The following DSG4 variants were observed in gnomAD, a reference collection of about 807,000 sequenced individuals.
The protein encoded by DSG4 is desmoglein 4.
DSG4 carries 87 observed loss-of-function variants against 93.1 expected under a neutral mutation model. The observed-to-expected ratio is 0.93, with a 90% confidence interval of 0.79 to 1.12. DSG4 has a LOEUF of 1.12. DSG4 is among the 50% of genes most tolerant of loss of function. The pLI, the probability that DSG4 is intolerant of heterozygous loss-of-function variation, is 0.00. For synonymous variants in DSG4, 432 were observed against 452.9 expected, an observed-to-expected ratio of 0.95 and a Z score of 0.59; for missense variants, 1,373 against 1,285.7, an observed-to-expected ratio of 1.07 and a Z score of -1.04.
rs748868284 is a variant in DSG4 at position 31,386,740 on chromosome 18, G to C, written c.137G>C (p.Arg46Thr). The stretch of plus-strand genomic sequence containing the variant: ...ACTACAAAATGGCAAACAGTCAGAA[G>C]ACAAAAGCGGGAGTGGATCAAGTTT... ...NGTTKWQTVR[R>T]QKREWIKFAA... is the part of the protein sequence containing the mutation. Residue 46 changes from arginine to threonine, a missense_variant, in exon 3 of 16, where the codon AGA becomes ACA. Physicochemically the swap from Arg to Thr is moderately conservative, Grantham distance 71 (BLOSUM62 -1). Coordinates refer to ENST00000308128, the MANE Select transcript of DSG4 (RefSeq NM_177986.5). 16 of 1,613,396 alleles carry C rather than the reference G, an allele frequency of 9.9e-6. No homozygotes were observed. Among genetic ancestry groups the C allele is most frequent in the Middle Eastern group, 1.6e-4 (1 of 6,080 alleles).
Position 31,400,935 on chromosome 18 carries a change from T to C in DSG4, c.1332T>C (p.Gly444=). Residue 444 remains glycine (G), a synonymous_variant, in exon 10 of 16, where the codon GGT becomes GGC. Transcript: ENST00000308128. ...GSWLKIDSRT[G]EIQFSREFDK... Reference sequence around the variant, plus strand: ...GGTTAAAAATTGATTCAAGAACTGGTGAGATACAATTTTCTAGAGAATTTG... The same window carrying C: ...GGTTAAAAATTGATTCAAGAACTGGCGAGATACAATTTTCTAGAGAATTTG... 1 of 1,612,446 alleles carries C rather than the reference T, an allele frequency of 6.2e-7. No individual in the cohort carries two copies. Among genetic ancestry groups the C allele is most frequent in the South Asian group, 1.1e-5 (1 of 90,958 alleles).
In DSG4 at chr18:31,413,837, G is replaced by A. The variant is rs951140670; in HGVS notation, c.*242G>A. The A allele has an allele frequency of 1.9e-5, 9 of 485,122 alleles. No individual in the cohort carries two copies. Among genetic ancestry groups the A allele is most frequent in the Non-Finnish European group, 3.3e-5 (9 of 269,120 alleles). 30.1% of individuals were successfully genotyped at this position (485,122 alleles called of 1,614,324 possible). On this transcript the variant is annotated 3_prime_UTR_variant, in exon 16 of 16. Transcript: ENST00000308128. ...TCAAAAAATGTGCAGAAAATGTATT[G>A]CATCCCTTGATACTGTCTAACGAAT... is the stretch of plus-strand genomic sequence containing the variant.
intron 14 of DSG4, among the ~76,000 whole-genome samples, chr18:31,410,172 T>G (rs1010449195): frequency 9.2e-5 from 14 of 152,082 alleles, no homozygotes; most frequent in African/African-American, 3.1e-4. Context: ...CTTAGGAGCA[T>G]TTTGGATTCT....
At chr18:31,389,945 G>C (rs897036993) in intron 5 of DSG4, among the ~76,000 whole-genome samples, 1 of 152,094 alleles carries the variant, frequency 6.6e-6, no homozygotes, top group African/African-American at 2.4e-5. Flanking sequence ...ACTGGTGAAG[G>C]AAGAGAAGGT....
intron 3 of DSG4, among the ~76,000 whole-genome samples, chr18:31,387,814 C>G (rs1463223623): frequency 6.6e-6 from 1 of 152,038 alleles, no homozygotes; most frequent in African/African-American, 2.4e-5. Context: ...GGTAATAAAG[C>G]TACTAAAGCA....
chr18:31,408,457 A>G (rs551473846), intron 12 of DSG4, among the ~76,000 whole-genome samples: 1 of 152,358 alleles, frequency 6.6e-6, no homozygotes, highest in Admixed American at 6.5e-5. Flanking sequence ...TTCACTGTTC[A>G]TAGTGCAGAT....
At chr18:31,411,022 C>A in intron 14 of DSG4, 1 of 1,432,858 alleles carries the variant, frequency 7.0e-7, no homozygotes, top group Non-Finnish European at 9.3e-7. Flanking sequence ...CACGTCCCAC[C>A]ACTGACTCCC....
At chr18:31,407,061 C>T (rs1299836442) in intron 12 of DSG4, among the ~76,000 whole-genome samples, 1 of 152,112 alleles carries the variant, frequency 6.6e-6, no homozygotes, top group Non-Finnish European at 1.5e-5. Context: ...CAGGCATGAG[C>T]CACTGCACCC....
intron 11 of DSG4, 30 bp downstream of exon 11, chr18:31,403,664 C>G: frequency 6.2e-7 from 1 of 1,607,852 alleles, no homozygotes; most frequent in Non-Finnish European, 8.5e-7. Context: ...GTTTTTTGGA[C>G]TTTAAGTCCA....
At chr18:31,411,706 A>T (rs897783162) in intron 15 of DSG4, among the ~76,000 whole-genome samples, 2 of 151,630 alleles carry the variant, frequency 1.3e-5, no homozygotes, top group African/African-American at 4.8e-5. Context: ...TCCCTTTTCC[A>T]TTTTTCTATC....
intron 2 of DSG4, among the ~76,000 whole-genome samples, 164 bp from the exon 3 acceptor site, chr18:31,386,524 C>T (rs549595681): frequency 5.3e-4 from 80 of 152,230 alleles, no homozygotes; most frequent in Admixed American, 1.6e-3. Flanking sequence ...CAGGGGTAAC[C>T]AAGCTATCTA....
At position 31,399,495 on chromosome 18, in the gene DSG4, C is replaced by T. The variant is rs771344068; in HGVS notation, c.1229C>T (p.Thr410Ile). 1.9e-6 allele frequency: 3 copies of T among 1,614,036 alleles called. No homozygotes were observed. Among genetic ancestry groups the T allele is most frequent in the South Asian group, 1.1e-5 (1 of 91,086 alleles). Residue 410 changes from threonine (T) to isoleucine (I), a missense_variant, in exon 9 of 16, where the codon ACA (threonine) becomes ATA (isoleucine). Physicochemically the swap from Thr to Ile is moderately conservative, Grantham distance 89. Coordinates refer to ENST00000308128, the MANE Select transcript of DSG4 (RefSeq NM_177986.5). ...TCCTTATTGAATTATGTGCTTGGCA[C>T]ATATACAGCCATAGATTTGGACACA... ...GSSLLNYVLG[T>I]YTAIDLDTGN...
At chr18:31,395,799 G>A (rs1401209749) in intron 8 of DSG4, among the ~76,000 whole-genome samples, 3 of 152,142 alleles carry the variant, frequency 2.0e-5, no homozygotes, top group Non-Finnish European at 4.4e-5. Flanking sequence ...CCAGGAGTTC[G>A]AGACCAGCCT....
rs35210710 is a variant in DSG4, at chr18:31,392,190, G to T, written c.855G>T (p.Ser285=). Residue 285 remains serine, a synonymous_variant, in exon 8 of 16, where the codon TCG becomes TCT. Transcript: ENST00000308128. ...SASIEENCLS[S]ELIRLQAIDL... Reference sequence around the variant, plus strand: ...GTATTGAAGAGAATTGTTTAAGTTCGGAACTGATACGATTACAAGCAATTG... The same window carrying T: ...GTATTGAAGAGAATTGTTTAAGTTCTGAACTGATACGATTACAAGCAATTG... 1 of 1,613,584 alleles carries T rather than the reference G, an allele frequency of 6.2e-7. No homozygotes were observed.
intron 12 of DSG4, among the ~76,000 whole-genome samples, chr18:31,407,861 G>C (rs905429458): frequency 6.6e-6 from 1 of 152,126 alleles, no homozygotes; most frequent in Non-Finnish European, 1.5e-5. Context: ...TTAGTTAAAG[G>C]TCTTCCAAAA....
intron 8 of DSG4, among the ~76,000 whole-genome samples, chr18:31,393,821 C>G (rs541129834): frequency 2.0e-5 from 3 of 152,264 alleles, no homozygotes; most frequent in African/African-American, 7.2e-5. Flanking sequence ...TTTAGTATTA[C>G]TACTTTACCA....
chr18:31,401,676 A>T (rs1022726910), intron 10 of DSG4: 7 of 152,164 alleles, frequency 4.6e-5, no homozygotes, highest in African/African-American at 1.7e-4. Flanking sequence ...ATAGTTAATG[A>T]TTCTATGAAG....
rs1250306042 is a variant in DSG4, at chr18:31,403,398, T to G, written c.1418-18T>G. ...CTAACACCATTTACCTCAACACCAA[T>G]GACCCTTACTCTTTCAGATGGCTCT... On this transcript the variant is annotated intron_variant, in intron 10 of 15. Coordinates refer to ENST00000308128, the MANE Select transcript of DSG4 (RefSeq NM_177986.5). 6 of 1,599,306 alleles carry G rather than the reference T, an allele frequency of 3.8e-6. No individual in the cohort carries two copies. Among genetic ancestry groups the G allele is most frequent in the Non-Finnish European group, 5.1e-6 (6 of 1,169,180 alleles).
In DSG4 at chr18:31,413,391, T is replaced by C. The variant is rs751422322; in HGVS notation, c.2919T>C (p.Gly973=). The C allele has an allele frequency of 1.9e-5, 30 of 1,614,168 alleles. No individual in the cohort carries two copies. Among genetic ancestry groups the C allele is most frequent in the Non-Finnish European group, 2.5e-5 (29 of 1,180,028 alleles). The part of the protein sequence containing the change: ...IYAERVLASP[G]VPDMSNSSTT... ...CTGAGAGAGTACTGGCTAGTCCTGG[T>C]GTGCCTGACATGAGCAATAGTAGCA... The change falls in exon 16 of 16, where the codon GGT becomes GGC. Residue 973 remains glycine (G), a synonymous_variant. Coordinates refer to ENST00000308128, the MANE Select transcript of DSG4 (RefSeq NM_177986.5).
Sources: gnomAD v4.1 joint callset for allele counts (sites outside exome capture counted in the v4.1 genomes callset) on GRCh38, gnomAD v4.1.1 for gene constraint, MANE v1.5 for transcripts, NCBI Gene and HGNC (gene_info 2026-07-23, HGNC 2026-07-21) for gene names.